The following TCF12 variants were observed in gnomAD, a reference collection of about 807,000 sequenced individuals.
TCF12 encodes transcription factor 12.
A neutral mutation model predicts 86.0 loss-of-function variants in TCF12; 45 were observed. That is an observed-to-expected ratio of 0.52 (90% CI 0.41 to 0.67). TCF12 has a LOEUF of 0.67. TCF12 is among the 30% of genes least tolerant of loss of function. TCF12 has a pLI of 0.00. For synonymous variants in TCF12, 330 were observed against 299.6 expected (o/e 1.10, Z -1.05); for missense variants, 881 against 859.9 (o/e 1.02, Z -0.31).
rs1426338032 is a variant in TCF12 at position 57,142,321 on chromosome 15, A to ATAGATAGATAGATAGATAGG, written c.326-24067_326-24066insGATAGGTAGATAGATAGATA. Among the ~76,000 whole-genome samples, 23 of 152,142 alleles carry ATAGATAGATAGATAGATAGG rather than the reference A, an allele frequency of 1.5e-4. No homozygotes were observed. The East Asian group carries it at 3.5e-3, about 23-fold the overall frequency. On this transcript the variant is annotated intron_variant, in intron 5 of 20. Coordinates refer to ENST00000333725, the MANE Select transcript of TCF12 (RefSeq NM_207037.2). The stretch of plus-strand genomic sequence containing the variant: ...CACACTTTTATAGATAGATAGATAG[A>ATAGATAGATAGATAGATAGG]TAGATAGATAGATACAGAAAGAAAT...
chr15:57,015,054 T>C (rs2065072237), intron 3 of TCF12, among the ~76,000 whole-genome samples: 1 of 152,136 alleles, frequency 6.6e-6, no homozygotes, highest in South Asian at 2.1e-4. Context: ...CTTTGGGATG[T>C]GAGGCAGGCA....
chr15:56,984,776 G>A (rs1242019534), intron 3 of TCF12, among the ~76,000 whole-genome samples: 3 of 152,180 alleles, frequency 2.0e-5, no homozygotes, highest in Non-Finnish European at 4.4e-5. Flanking sequence ...AGCAGTTTAG[G>A]TAATGGTTTA....
rs570308254 is a variant in TCF12 at position 57,237,349 on chromosome 15, T to C, written c.1035+3242T>C. Among the ~76,000 whole-genome samples, 71 of 152,294 alleles carry C rather than the reference T, an allele frequency of 4.7e-4. 2 individuals carry two copies. The South Asian group carries it at 0.014, about 31-fold the overall frequency. Reference sequence around the variant, plus strand: ...AATGTGCACTGTAGTGTTTAAAAAATTGGGCTCACAGTTCCGGGGTTGGGC... The same window carrying C: ...AATGTGCACTGTAGTGTTTAAAAAACTGGGCTCACAGTTCCGGGGTTGGGC... On this transcript the variant is annotated intron_variant, in intron 12 of 20. Coordinates refer to ENST00000333725, the MANE Select transcript of TCF12 (RefSeq NM_207037.2).
intron 8 of TCF12, among the ~76,000 whole-genome samples, chr15:57,216,373 A>G (rs1770415041): frequency 6.6e-6 from 1 of 152,078 alleles, no homozygotes. Context: ...GTCAGATCAC[A>G]TAATCTTAGA....
downstream of TCF12, among the ~76,000 whole-genome samples, chr15:57,290,504 G>C (rs1330709450): frequency 1.3e-5 from 2 of 152,168 alleles, no homozygotes; most frequent in Non-Finnish European, 2.9e-5. Context: ...AAAGGGCAAG[G>C]AATCAAAAGT....
In TCF12 at chr15:57,273,178, T is replaced by C. The variant is rs10047994; in HGVS notation, c.1894T>C (p.Leu632=). ...GCTTGGCCGAATGTGTCAGCTTCAC[T>C]TGAAGAGTGAAAAACCCCAAACAAA... ...KELGRMCQLH[L]KSEKPQTKLL... The change falls in exon 19 of 21, where the codon TTG becomes CTG. Residue 632 remains leucine, a synonymous_variant. Transcript: ENST00000333725. The C allele has an allele frequency of 6.2e-3, 9,943 of 1,614,150 alleles. 538 individuals carry two copies. The African/African-American group carries it at 0.11, about 19-fold the overall frequency.
rs373495006 is a variant in TCF12, at chr15:56,998,331, G to T, written c.149-65419G>T. On this transcript the variant is annotated intron_variant, in intron 3 of 20. Transcript: ENST00000333725. ...AATTAGTTGGGTGTGGTAGCACGTG[G>T]TTGTAGTCCCAGCTACTAGGGAAGC... is the stretch of plus-strand genomic sequence containing the variant. 1.8e-4 allele frequency among the ~76,000 whole-genome samples: 27 copies of T among 151,628 alleles called. No homozygotes were observed. In the East Asian group the frequency reaches 2.1e-3, roughly 12 times the overall value.
At chr15:57,050,744 T>G (rs1415104769) in intron 3 of TCF12, among the ~76,000 whole-genome samples, 4 of 152,216 alleles carry the variant, frequency 2.6e-5, no homozygotes, top group African/African-American at 9.6e-5. Context: ...TAATTTTATA[T>G]TGATGTGTGT....
intron 13 of TCF12, among the ~76,000 whole-genome samples, chr15:57,250,177 A>G (rs2060041918): frequency 6.6e-6 from 1 of 152,218 alleles, no homozygotes; most frequent in Admixed American, 6.5e-5. Flanking sequence ...GATGACCCCA[A>G]GATCATTTAC....
At chr15:57,176,743 G>C (rs1477287263) in intron 6 of TCF12, among the ~76,000 whole-genome samples, 2 of 152,176 alleles carry the variant, frequency 1.3e-5, no homozygotes, top group African/African-American at 2.4e-5. Flanking sequence ...ATGAAGCCAT[G>C]ATTAAACTTT....
intron 3 of TCF12, among the ~76,000 whole-genome samples, chr15:56,940,503 C>A (rs569085400): frequency 1.3e-5 from 2 of 150,586 alleles, no homozygotes; most frequent in South Asian, 4.2e-4. Context: ...CCTCCTCCTT[C>A]TTCTTCTCCT....
In TCF12 at chr15:57,261,571, T is replaced by C. The variant is rs145928167; in HGVS notation, c.1468-523T>C. On this transcript the variant is annotated intron_variant, in intron 16 of 20. Coordinates refer to ENST00000333725, the MANE Select transcript of TCF12 (RefSeq NM_207037.2). ...ACCTATTTAATTAAAAGCTTAATCT[T>C]CTAGTTGACACGTCTGCTACTATTC... Among the ~76,000 whole-genome samples the C allele has an allele frequency of 9.8e-4, 150 of 152,300 alleles. 1 individual carries two copies. The highest frequency in any genetic ancestry group is 1.8e-3 in the Admixed American group (28 of 15,298).
intron 5 of TCF12, among the ~76,000 whole-genome samples, chr15:57,138,194 G>A (rs2052694096): frequency 6.6e-6 from 1 of 152,122 alleles, no homozygotes; most frequent in African/African-American, 2.4e-5. Context: ...ATCACTGATG[G>A]CTAAATATTT....
chr15:56,926,326 CAG>C (rs1232341744), intron 3 of TCF12, among the ~76,000 whole-genome samples: 3 of 139,784 alleles, frequency 2.1e-5, no homozygotes, highest in African/African-American at 7.9e-5. Flanking sequence ...AAAAAAAAAA[CAG>C]TGGAGAAATT....
At chr15:57,127,905 T>C (rs1160303446) in intron 5 of TCF12, among the ~76,000 whole-genome samples, 3 of 152,226 alleles carry the variant, frequency 2.0e-5, no homozygotes, top group Non-Finnish European at 2.9e-5. Flanking sequence ...ATTTAAATAC[T>C]GTCCCTGGAC....
intron 3 of TCF12, among the ~76,000 whole-genome samples, chr15:57,042,399 C>CA (rs1217392275): frequency 1.3e-5 from 2 of 151,822 alleles, no homozygotes; most frequent in Admixed American, 6.6e-5. Flanking sequence ...TTGGTATATG[C>CA]AAAAAAACGT....
At chr15:57,119,626 T>G (rs1275615328) in intron 5 of TCF12, among the ~76,000 whole-genome samples, 1 of 151,952 alleles carries the variant, frequency 6.6e-6, no homozygotes, top group Non-Finnish European at 1.5e-5. Context: ...TTCTTCCTCC[T>G]ACTTTATTCA....
intron 3 of TCF12, among the ~76,000 whole-genome samples, chr15:57,005,662 G>A (rs915751606): frequency 6.6e-6 from 1 of 152,108 alleles, no homozygotes; most frequent in African/African-American, 2.4e-5. Flanking sequence ...TTGGCTTCCT[G>A]GGCTCAAGCA....
At chr15:57,112,698 A>T (rs2050576494) in intron 5 of TCF12, among the ~76,000 whole-genome samples, 1 of 152,188 alleles carries the variant, frequency 6.6e-6, no homozygotes, top group Non-Finnish European at 1.5e-5. Flanking sequence ...AGTATCTCTT[A>T]TTTTATTGAG....
Sources: gnomAD v4.1 joint callset for allele counts (sites outside exome capture counted in the v4.1 genomes callset) on GRCh38, gnomAD v4.1.1 for gene constraint, MANE v1.5 for transcripts, NCBI Gene and HGNC (gene_info 2026-07-23, HGNC 2026-07-21) for gene names.